GLYAT: variants seen among roughly 807,000 people sequenced by gnomAD.
GLYAT encodes glycine-N-acyltransferase.
A neutral mutation model predicts 22.8 loss-of-function variants in GLYAT; 25 were observed. The ratio of observed to expected loss-of-function variants is 1.09; its 90% CI spans 0.80 to 1.53. The LOEUF is 1.53. Among genes scored for constraint, GLYAT ranks in the 40% most tolerant of loss-of-function variants. The pLI is 0.00. For synonymous variants in GLYAT, 140 were observed against 122.7 expected (o/e 1.14, Z -0.93); for missense variants, 411 against 353.9 (o/e 1.16, Z -1.29).
chr11:58,726,402 G>T (rs1403388760), intron 1 of GLYAT, among the ~76,000 whole-genome samples: 1 of 152,126 alleles, frequency 6.6e-6, no homozygotes, highest in Non-Finnish European at 1.5e-5. Flanking sequence ...GTAGTAGCCA[G>T]CCAGGTTCAA....
rs143486923 is a variant in GLYAT, at chr11:58,728,340, C to T, written c.-16+3495G>A. Among the ~76,000 whole-genome samples, 806 of 152,120 alleles carry T rather than the reference C, an allele frequency of 5.3e-3. 1 individual carries two copies. Among genetic ancestry groups the T allele is most frequent in the Non-Finnish European group, 9.3e-3 (635 of 67,980 alleles). ...CCTCACAAAGTGCTGGGATTACAGG[C>T]GTGAGCCACTGCGCCTGGCTAAAGC... On this transcript the variant is annotated intron_variant, in intron 1 of 5. Coordinates refer to ENST00000344743, the MANE Select transcript of GLYAT (RefSeq NM_201648.3).
In GLYAT at chr11:58,712,854, AT is replaced by A; in HGVS notation, c.221del (p.Asn74IlefsTer38). 6.2e-7 allele frequency: 1 copy of A among 1,606,640 alleles called. No individual in the cohort carries two copies. The highest frequency in any genetic ancestry group is 8.5e-7 in the Non-Finnish European group (1 of 1,173,294). ...GATCTTTGGAGTAGATTTGGTAAGTATTGGTATAGTGATCAAGGTCATCTGT... is the reference window on the plus strand; with the variant it reads ...GATCTTTGGAGTAGATTTGGTAAGTATGGTATAGTGATCAAGGTCATCTGT... ...DMTDDLDHYT[N>X]TYQIYSKDPQ... is the part of the protein sequence containing the mutation. On this transcript the variant is annotated frameshift_variant, in exon 4 of 6. Coordinates refer to ENST00000344743, the MANE Select transcript of GLYAT (RefSeq NM_201648.3). LOFTEE classifies it high-confidence loss of function.
intron 5 of GLYAT, 55 bp downstream of exon 5, chr11:58,710,535 T>G: frequency 1.5e-6 from 2 of 1,301,864 alleles, no homozygotes; most frequent in Admixed American, 1.7e-5. Context: ...GGGAGAGAAG[T>G]TGGGAGGTTA....
intron 2 of GLYAT, among the ~76,000 whole-genome samples, chr11:58,721,336 A>G (rs983764851): frequency 1.3e-5 from 2 of 150,198 alleles, no homozygotes; most frequent in African/African-American, 2.4e-5. Flanking sequence ...AGATGTTTTT[A>G]TTTTTCTTTT....
chr11:58,710,028 A>G lies in GLYAT; in HGVS notation c.629T>C (p.Leu210Pro), dbSNP rs760274079. The G allele has an allele frequency of 1.9e-6, 3 of 1,614,116 alleles. No individual in the cohort carries two copies. The South Asian group carries it at 3.3e-5, about 18-fold the overall frequency. The change falls in exon 6 of 6, where the codon CTG becomes CCG. Residue 210 changes from leucine (L) to proline (P), a missense_variant. Transcript: ENST00000344743. ...GCACACAGGGGTCCCCTCAGGCCCC[A>G]GGAGACAGCAGGTGGGAAAGGTCTG... ...CIQTFPTCCL[L>P]GPEGTPVCWD...
intron 5 of GLYAT, 99 bp downstream of exon 5, chr11:58,710,491 C>T (rs1244969071): frequency 1.1e-5 from 10 of 938,124 alleles, no homozygotes; most frequent in Non-Finnish European, 8.5e-6. Flanking sequence ...TTTCTTTGTA[C>T]AACATTGATT....
intron 2 of GLYAT, 80 bp downstream of exon 2, chr11:58,724,336 A>C (rs953609366): frequency 7.2e-5 from 49 of 677,260 alleles, no homozygotes; most frequent in Non-Finnish European, 1.3e-4. Context: ...AAATAGGTGC[A>C]TCATAAATAT....
At chr11:58,710,446 G>T in intron 5 of GLYAT, 144 bp downstream of exon 5, 1 of 778,708 alleles carries the variant, frequency 1.3e-6, no homozygotes, top group Non-Finnish European at 2.1e-6. Context: ...AGAGAAACAT[G>T]TTCTGAGTTA....
chr11:58,713,950 G>T (rs887642617), intron 3 of GLYAT, among the ~76,000 whole-genome samples: 3 of 151,952 alleles, frequency 2.0e-5, no homozygotes, highest in East Asian at 1.9e-4. Context: ...ACAATATGTT[G>T]TGTTGAAATA....
At chr11:58,714,527 C>T (rs1436748344) in intron 3 of GLYAT, among the ~76,000 whole-genome samples, 2 of 152,102 alleles carry the variant, frequency 1.3e-5, no homozygotes, top group African/African-American at 4.8e-5. Flanking sequence ...TATGGTTTGG[C>T]TGTGTCCCCA....
chr11:58,712,941 T>C, intron 3 of GLYAT, 55 bp from the exon 4 acceptor site: 2 of 1,147,786 alleles, frequency 1.7e-6, no homozygotes, highest in Non-Finnish European at 1.3e-6. Flanking sequence ...TATGATTACA[T>C]ATAATTTTAT....
At chr11:58,723,595 A>G (rs913216168) in intron 2 of GLYAT, among the ~76,000 whole-genome samples, 3 of 152,092 alleles carry the variant, frequency 2.0e-5, no homozygotes, top group African/African-American at 7.2e-5. Context: ...AATGTCTTCT[A>G]AAACAATACA....
In GLYAT at chr11:58,724,605, T is replaced by C. The variant is rs529786440; in HGVS notation, c.-15-94A>G. 14 of 529,198 alleles carry C rather than the reference T, an allele frequency of 2.6e-5. 1 individual carries two copies. Among genetic ancestry groups the C allele is most frequent in the African/African-American group, 1.9e-4 (10 of 52,334 alleles). 32.8% of individuals were successfully genotyped at this position (529,198 alleles called of 1,614,324 possible). A position where few individuals can be genotyped will look rare whatever the true frequency, so the allele number is the denominator to read the frequency against. On this transcript the variant is annotated intron_variant, in intron 1 of 5. Coordinates refer to ENST00000344743, the MANE Select transcript of GLYAT (RefSeq NM_201648.3). ...AGTTCTTTATTAATGACCAGGTTTT[T>C]TTTTTTTAGTGCCTTTCAACTGCAG...
chr11:58,713,926 G>T (rs1319651159), intron 3 of GLYAT, among the ~76,000 whole-genome samples: 1 of 151,874 alleles, frequency 6.6e-6, no homozygotes, highest in Non-Finnish European at 1.5e-5. Context: ...ATAAATGATT[G>T]CATATATTTA....
chr11:58,712,418 A>G (rs1856627063), intron 4 of GLYAT, among the ~76,000 whole-genome samples: 1 of 152,142 alleles, frequency 6.6e-6, no homozygotes, highest in Admixed American at 6.5e-5. Flanking sequence ...GAAGTATTCT[A>G]TGGCCAAATA....
chr11:58,720,275 C>G (rs1856733641), intron 2 of GLYAT, among the ~76,000 whole-genome samples: 1 of 151,890 alleles, frequency 6.6e-6, no homozygotes, highest in Non-Finnish European at 1.5e-5. Context: ...AATGAAATGT[C>G]TATTATTTAA....
chr11:58,719,464 G>T (rs748460130), intron 2 of GLYAT, among the ~76,000 whole-genome samples: 2 of 151,946 alleles, frequency 1.3e-5, no homozygotes, highest in Non-Finnish European at 1.5e-5. Context: ...CTATATGCTG[G>T]TTTTTCATCA....
chr11:58,725,964 A>G (rs1046588410), intron 1 of GLYAT, among the ~76,000 whole-genome samples: 10 of 152,116 alleles, frequency 6.6e-5, no homozygotes, highest in Non-Finnish European at 8.8e-5. Flanking sequence ...AGAAGTTCAT[A>G]TCATAATTAA....
chr11:58,715,326 G>A lies in GLYAT; in HGVS notation c.179C>T (p.Pro60Leu), dbSNP rs764869079. The A allele has an allele frequency of 8.1e-6, 12 of 1,486,296 alleles. No individual in the cohort carries two copies. Among genetic ancestry groups the A allele is most frequent in the Non-Finnish European group, 1.0e-5 (11 of 1,064,584 alleles). 92.1% of individuals were successfully genotyped at this position (1,486,296 alleles called of 1,614,324 possible). A position where few individuals can be genotyped will look rare whatever the true frequency, so the allele number is the denominator to read the frequency against. ...CACATGGAAACTTACCTGCTCCTGA[G>A]GGCAGACAACCACTGTATTAAAATC... is the stretch of plus-strand genomic sequence containing the variant. Reference protein sequence around the residue: ...WPDFNTVVVCPQEQDMTDDLD... With the variant: ...WPDFNTVVVCLQEQDMTDDLD... The change falls in exon 3 of 6, where the codon CCT (proline) becomes CTT (leucine). Residue 60 changes from proline to leucine, a missense_variant. By Grantham distance (98) the Pro-to-Leu change is moderately conservative. Coordinates refer to ENST00000344743, the MANE Select transcript of GLYAT (RefSeq NM_201648.3).
Sources: gnomAD v4.1 joint callset for allele counts (sites outside exome capture counted in the v4.1 genomes callset) on GRCh38, gnomAD v4.1.1 for gene constraint, MANE v1.5 for transcripts, NCBI Gene and HGNC (gene_info 2026-07-23, HGNC 2026-07-21) for gene names.